The following KIAA1549L variants were observed in gnomAD, a reference collection of about 807,000 sequenced individuals.
The protein encoded by KIAA1549L is UPF0606 protein KIAA1549L.
In KIAA1549L, 88 loss-of-function variants were observed where a neutral mutation model predicts 160.7. The ratio of observed to expected loss-of-function variants is 0.55; its 90% confidence interval spans 0.46 to 0.65. KIAA1549L has a LOEUF of 0.65. Ranked by LOEUF, KIAA1549L falls within the 30% of genes least tolerant of loss-of-function variation. The pLI is 0.00. For synonymous variants in KIAA1549L, 950 were observed against 976.7 expected (o/e 0.97, Z 0.51); for missense variants, 2,258 against 2,437.5 (o/e 0.93, Z 1.55).
At chr11:33,469,758 C>A (rs558173164) in intron 1 of KIAA1549L, among the ~76,000 whole-genome samples, 2 of 152,222 alleles carry the variant, frequency 1.3e-5, no homozygotes, top group Admixed American at 1.3e-4. Flanking sequence ...TTTGTATTTC[C>A]CTAATGGCTA....
rs1850042742 is a variant in KIAA1549L at position 33,591,266 on chromosome 11, A to G, written c.4596A>G (p.Gln1532=). 1.2e-6 allele frequency: 2 copies of G among 1,613,238 alleles called. No homozygotes were observed. Among genetic ancestry groups the G allele is most frequent in the Non-Finnish European group, 8.5e-7 (1 of 1,179,570 alleles). ...KPVQGFDYAK[Q]HLGQQGADEE... ...TGCAAGGCTTTGATTATGCCAAGCA[A>G]CACCTGGGCCAGCAAGGGGCAGATG... Residue 1532 remains glutamine (Q), a synonymous_variant, in exon 12 of 21, where the codon CAA becomes CAG. Coordinates refer to ENST00000658780, the MANE Select transcript of KIAA1549L (RefSeq NM_012194.3).
intron 1 of KIAA1549L, among the ~76,000 whole-genome samples, chr11:33,430,200 C>T (rs990377848): frequency 2.0e-5 from 3 of 146,788 alleles, no homozygotes; most frequent in African/African-American, 7.5e-5. Flanking sequence ...CCCTTCTTTC[C>T]CTCCCTCTCT....
chr11:33,419,209 C>T (rs1197757612), intron 1 of KIAA1549L, among the ~76,000 whole-genome samples: 1 of 152,140 alleles, frequency 6.6e-6, no homozygotes, highest in African/African-American at 2.4e-5. Context: ...TTACATTTTC[C>T]TCTCAACTTA....
intron 10 of KIAA1549L, among the ~76,000 whole-genome samples, chr11:33,581,688 C>T (rs1014177127): frequency 6.6e-6 from 1 of 152,192 alleles, no homozygotes; most frequent in African/African-American, 2.4e-5. Context: ...AATAACCCTT[C>T]ATTCCTTTTC....
At chr11:33,569,988 TTCTC>T (rs778733363) in intron 9 of KIAA1549L, among the ~76,000 whole-genome samples, 187 of 140,474 alleles carry the variant, frequency 1.3e-3, no homozygotes, top group African/African-American at 3.7e-3. Flanking sequence ...GAGGTGTTCT[TTCTC>T]TCTCTCTCTC....
At chr11:33,531,550 A>G (rs894660244) in intron 1 of KIAA1549L, among the ~76,000 whole-genome samples, 1 of 152,228 alleles carries the variant, frequency 6.6e-6, no homozygotes, top group Admixed American at 6.5e-5. Flanking sequence ...ACAAAAGATT[A>G]CCAACAAACT....
chr11:33,461,349 C>A (rs1851938520), intron 1 of KIAA1549L, among the ~76,000 whole-genome samples: 2 of 152,256 alleles, frequency 1.3e-5, no homozygotes, highest in East Asian at 3.9e-4. Context: ...CTGCTATCAT[C>A]CTCATTTTAT....
At chr11:33,647,790 TA>T (rs11363213) in intron 17 of KIAA1549L, among the ~76,000 whole-genome samples, 90,516 of 150,558 alleles carry the variant, frequency 0.6, 28,611 homozygotes, top group African/African-American at 0.82. Context: ...TAAAACCATC[TA>T]AAAAAAAAAA....
chr11:33,629,178 C>G (rs1392211634), intron 16 of KIAA1549L, among the ~76,000 whole-genome samples: 9 of 152,126 alleles, frequency 5.9e-5, no homozygotes, highest in Non-Finnish European at 1.3e-4. Flanking sequence ...TGGGCTTCCC[C>G]CTTTGAGGGT....
chr11:33,513,696 C>T (rs1853275905), intron 1 of KIAA1549L, among the ~76,000 whole-genome samples: 1 of 152,214 alleles, frequency 6.6e-6, no homozygotes, highest in Non-Finnish European at 1.5e-5. Context: ...CAGAGACAAT[C>T]TGACGGCTGT....
At chr11:33,407,628 C>A (rs1279821920) in intron 1 of KIAA1549L, among the ~76,000 whole-genome samples, 1 of 152,116 alleles carries the variant, frequency 6.6e-6, no homozygotes, top group Non-Finnish European at 1.5e-5. Flanking sequence ...GGATTATAGG[C>A]CTGAGCCACC....
intron 1 of KIAA1549L, among the ~76,000 whole-genome samples, chr11:33,520,991 A>C (rs977462744): frequency 6.6e-6 from 1 of 151,914 alleles, no homozygotes; most frequent in Non-Finnish European, 1.5e-5. Context: ...AGCAAGACCC[A>C]ATATCTACAA....
At chr11:33,606,552 G>T in intron 13 of KIAA1549L, 89 bp from the exon 14 acceptor site, 9 of 1,296,982 alleles carry the variant, frequency 6.9e-6, no homozygotes, top group Non-Finnish European at 6.5e-6. Context: ...GTAAAGTAAT[G>T]TCCTTAGGCT....
At chr11:33,652,728 A>G (rs1851933756) in intron 17 of KIAA1549L, among the ~76,000 whole-genome samples, 3 of 152,188 alleles carry the variant, frequency 2.0e-5, no homozygotes. Context: ...CACTTGGTTT[A>G]TTGATAGTCA....
chr11:33,496,323 A>C (rs1183164562), intron 1 of KIAA1549L, among the ~76,000 whole-genome samples: 1 of 152,106 alleles, frequency 6.6e-6, no homozygotes, highest in Non-Finnish European at 1.5e-5. Flanking sequence ...GAGTCACAGG[A>C]CTTCCTGATA....
chr11:33,420,932 C>T (rs1392909266), intron 1 of KIAA1549L, among the ~76,000 whole-genome samples: 1 of 152,072 alleles, frequency 6.6e-6, no homozygotes, highest in African/African-American at 2.4e-5. Context: ...TGGATGGAAC[C>T]CATGGGAGGG....
intron 1 of KIAA1549L, among the ~76,000 whole-genome samples, chr11:33,464,336 G>T (rs1851999918): frequency 1.3e-5 from 2 of 152,138 alleles, no homozygotes; most frequent in Admixed American, 1.3e-4. Flanking sequence ...GTTGCTCTGT[G>T]TCAGGTCCTA....
At chr11:33,550,423 G>A (rs1444172936) in intron 4 of KIAA1549L, among the ~76,000 whole-genome samples, 2 of 152,052 alleles carry the variant, frequency 1.3e-5, no homozygotes, top group African/African-American at 4.8e-5. Flanking sequence ...TCTAAAGCCT[G>A]AAAATCTTGC....
intron 1 of KIAA1549L, among the ~76,000 whole-genome samples, chr11:33,505,906 AC>A (rs988675074): frequency 6.6e-6 from 1 of 152,194 alleles, no homozygotes; most frequent in African/African-American, 2.4e-5. Context: ...TTGAGTACTC[AC>A]CATGTGCTAA....
Sources: allele counts gnomAD v4.1 joint callset (sites outside exome capture counted in the v4.1 genomes callset), GRCh38; gene constraint gnomAD v4.1.1; transcripts MANE v1.5; gene names NCBI Gene and HGNC (gene_info 2026-07-23, HGNC 2026-07-21).